The following ABCC1 variants were observed in gnomAD, a reference collection of about 807,000 sequenced individuals.
The protein encoded by ABCC1 is multidrug resistance-associated protein 1.
A neutral mutation model predicts 172.9 loss-of-function variants in ABCC1; 83 were observed. That is an observed-to-expected ratio of 0.48 (90% CI 0.40 to 0.58). The LOEUF is 0.58. Among genes scored for constraint, ABCC1 ranks in the 20% least tolerant of loss-of-function variants. The probability of loss-of-function intolerance (pLI) is 0.00; values close to 1 mark genes in which losing one functional copy is unlikely to be tolerated. For missense variants in ABCC1, 1,817 were observed against 2,002.7 expected (o/e 0.91, Z 1.77); for synonymous variants, 937 against 825.2 (o/e 1.14, Z -2.32).
Position 16,031,051 on chromosome 16 carries a change from G to A in ABCC1, c.616-2058G>A, listed in dbSNP as rs189528535. Among the ~76,000 whole-genome samples, 733 of 152,174 alleles carry A rather than the reference G, an allele frequency of 4.8e-3. 6 individuals are homozygous for A. The highest frequency in any genetic ancestry group is 5.0e-3 in the Non-Finnish European group (338 of 68,016). The stretch of plus-strand genomic sequence containing the variant: ...TTTGGTAGAGACGAGGTTTCATCAT[G>A]TTGCCTAGGCTGGTCTCGAACTCCT... On this transcript the variant is annotated intron_variant, in intron 5 of 30. Coordinates refer to ENST00000399410, the MANE Select transcript of ABCC1 (RefSeq NM_004996.4).
chr16:15,960,973 A>C (rs1024802382), intron 1 of ABCC1, among the ~76,000 whole-genome samples: 1 of 144,346 alleles, frequency 6.9e-6, no homozygotes, highest in Non-Finnish European at 1.5e-5. Context: ...GAACCTTCTG[A>C]TCTGTTTATG....
At chr16:15,981,925 G>A (rs1008626767) in intron 1 of ABCC1, among the ~76,000 whole-genome samples, 2 of 152,176 alleles carry the variant, frequency 1.3e-5, no homozygotes, top group African/African-American at 4.8e-5. Flanking sequence ...TCTCTCTCAA[G>A]TTCTAAGTTC....
Position 16,056,199 on chromosome 16 carries a change from G to C in ABCC1, c.1581G>C (p.Lys527Asn). 6.2e-7 allele frequency: 1 copy of C among 1,614,198 alleles called. No homozygotes were observed. The highest frequency in any genetic ancestry group is 8.5e-7 in the Non-Finnish European group (1 of 1,180,040). ...CCTGGGAGCTGGCATTCAAGGACAA[G>C]GTGCTGGCCATCAGGCAGGAGGAGC... ...LYAWELAFKD[K>N]VLAIRQEELK... Residue 527 changes from lysine (K) to asparagine (N), a missense_variant, in exon 12 of 31, where the codon AAG (lysine) becomes AAC (asparagine). Coordinates refer to ENST00000399410, the MANE Select transcript of ABCC1 (RefSeq NM_004996.4).
chr16:16,056,753 T>C (rs886077601), intron 12 of ABCC1, among the ~76,000 whole-genome samples: 9 of 152,306 alleles, frequency 5.9e-5, no homozygotes, highest in Admixed American at 4.6e-4. Context: ...CATTCTCCTT[T>C]GTTTTATTCA....
intron 27 of ABCC1, 95 bp from the exon 28 acceptor site, chr16:16,134,255 G>A (rs1273313200): frequency 6.7e-7 from 1 of 1,498,838 alleles, no homozygotes. Flanking sequence ...CCAGATGACT[G>A]ATGCCTGAGG....
intron 1 of ABCC1, among the ~76,000 whole-genome samples, chr16:15,958,854 G>T (rs775313272): frequency 6.6e-6 from 1 of 152,102 alleles, no homozygotes; most frequent in Non-Finnish European, 1.5e-5. Context: ...TGTCGGCCCC[G>T]TTGACATGTA....
rs766502121 is a variant in ABCC1, at chr16:16,131,826, G to C, written c.3857G>C (p.Ser1286Thr). 4 of 1,614,166 alleles carry C rather than the reference G, an allele frequency of 2.5e-6. No homozygotes were observed. The highest frequency in any genetic ancestry group is 3.4e-6 in the Non-Finnish European group (4 of 1,180,022). ...ATCCAGGAGACAGCTCCGCCCAGCA[G>C]CTGGCCCCAGGTGGGCCGAGTGGAA... ...WQIQETAPPS[S>T]WPQVGRVEFR... Residue 1286 changes from serine to threonine, a missense_variant, in exon 27 of 31, where the codon AGC (serine) becomes ACC (threonine). Ser to Thr is a moderately conservative substitution (Grantham distance 58). This residue lies in a region of ABCC1 where 1,412 missense variants were observed against 1,600.3 expected (regional missense o/e 0.88). Transcript: ENST00000399410.
chr16:16,077,465 T>TC lies in ABCC1; in HGVS notation c.1988+1070dup, dbSNP rs1451321009. ...CAGTGGTTTTCCTGTTCAGTTACCT[T>TC]CCCCCCATGAGCCCCCAGAACCTTT... On this transcript the variant is annotated intron_variant, in intron 15 of 30. Transcript: ENST00000399410. Among the ~76,000 whole-genome samples the TC allele has an allele frequency of 6.6e-5, 10 of 152,022 alleles. 1 individual carries two copies. The highest frequency in any genetic ancestry group is 4.2e-4 in the South Asian group (2 of 4,810).
chr16:16,061,753 G>C (rs1449780741), intron 12 of ABCC1, among the ~76,000 whole-genome samples: 1 of 150,184 alleles, frequency 6.7e-6, no homozygotes, highest in East Asian at 2.0e-4. Flanking sequence ...ATACAAAATG[G>C]CTTTTTTTTT....
Position 16,131,870 on chromosome 16 carries a change from C to T in ABCC1, c.3901C>T (p.Arg1301Cys), listed in dbSNP as rs201533167. Residue 1301 changes from arginine to cysteine, a missense_variant, in exon 27 of 31, where the codon CGC (arginine) becomes TGC (cysteine). Arg to Cys is a radical substitution (Grantham distance 180, BLOSUM62 -3). Around this residue, in one of 3 missense-constraint regions of ABCC1, gnomAD observed 1,412 missense variants for 1,600.3 expected, o/e 0.88. Transcript: ENST00000399410. The part of the protein sequence containing the change: ...GRVEFRNYCL[R>C]YREDLDFVLR... The stretch of plus-strand genomic sequence containing the variant: ...AGTGGAATTCCGGAACTACTGCCTG[C>T]GCTACCGAGAGGACCTGGACTTCGT... 4.2e-4 allele frequency: 685 copies of T among 1,614,160 alleles called. No homozygotes were observed. Among genetic ancestry groups the T allele is most frequent in the Non-Finnish European group, 5.0e-4 (592 of 1,180,018 alleles).
intron 1 of ABCC1, among the ~76,000 whole-genome samples, chr16:15,972,800 T>TC (rs1372256607): frequency 1.4e-5 from 2 of 144,472 alleles, no homozygotes; most frequent in Non-Finnish European, 3.0e-5. Context: ...TTTTTTTTTT[T>TC]TTTTTTTTTT....
intron 1 of ABCC1, 110 bp downstream of exon 1, chr16:15,949,909 G>A: frequency 2.1e-6 from 2 of 960,444 alleles, no homozygotes; most frequent in Non-Finnish European, 1.3e-6. Context: ...TCTGCTGCCG[G>A]CCTCGGGGGC....
intron 10 of ABCC1, among the ~76,000 whole-genome samples, chr16:16,049,154 G>C (rs575599214): frequency 6.6e-6 from 1 of 152,286 alleles, no homozygotes; most frequent in South Asian, 2.1e-4. Context: ...ATCATTCTCA[G>C]TGGTACTTCC....
chr16:16,074,227 C>T (rs1347473717), intron 14 of ABCC1, among the ~76,000 whole-genome samples: 1 of 152,118 alleles, frequency 6.6e-6, no homozygotes, highest in African/African-American at 2.4e-5. Flanking sequence ...ATTTTGGCAA[C>T]CAAAAATGGC....
chr16:15,966,180 C>T (rs139324603), intron 1 of ABCC1, among the ~76,000 whole-genome samples: 8 of 151,798 alleles, frequency 5.3e-5, no homozygotes, highest in South Asian at 2.1e-4. Flanking sequence ...TTTGGGAGGC[C>T]GAGGTGGGCG....
At chr16:15,983,988 C>G (rs903807772) in intron 1 of ABCC1, among the ~76,000 whole-genome samples, 1 of 152,174 alleles carries the variant, frequency 6.6e-6, no homozygotes, top group African/African-American at 2.4e-5. Flanking sequence ...TTTCTGCCTC[C>G]TCTAGGCTTA....
intron 1 of ABCC1, among the ~76,000 whole-genome samples, chr16:15,969,492 C>T (rs1405686587): frequency 6.6e-6 from 1 of 151,790 alleles, no homozygotes; most frequent in Non-Finnish European, 1.5e-5. Flanking sequence ...CCTGCCTCAG[C>T]CCCCCGAGTA....
Position 16,036,614 on chromosome 16 carries a change from GT to G in ABCC1, c.809+14del, listed in dbSNP as rs747608311. 8 of 1,612,902 alleles carry G rather than the reference GT, an allele frequency of 5.0e-6. No individual in the cohort carries two copies. The highest frequency in any genetic ancestry group is 6.8e-6 in the Non-Finnish European group (8 of 1,179,316). On this transcript the variant is annotated intron_variant, in intron 7 of 30. Coordinates refer to ENST00000399410, the MANE Select transcript of ABCC1 (RefSeq NM_004996.4). ...CGCCAAGACTAGGAAGTAAGTGTGAGTTTCCTTGTCCTCCAGGATGCCCTGG... is the reference window on the plus strand; with the variant it reads ...CGCCAAGACTAGGAAGTAAGTGTGAGTTCCTTGTCCTCCAGGATGCCCTGG...
intron 1 of ABCC1, among the ~76,000 whole-genome samples, chr16:15,973,424 T>A (rs1023482138): frequency 3.9e-5 from 6 of 152,124 alleles, no homozygotes; most frequent in Non-Finnish European, 8.8e-5. Flanking sequence ...TATCCTACAA[T>A]ACAGGATGGG....
Sources: allele counts gnomAD v4.1 joint callset (sites outside exome capture counted in the v4.1 genomes callset), GRCh38; gene constraint gnomAD v4.1.1; regional missense constraint gnomAD v4.1.1; transcripts MANE v1.5; gene names NCBI Gene and HGNC (gene_info 2026-07-23, HGNC 2026-07-21).